The following DNAH11 variants were observed in gnomAD, a reference collection of about 807,000 sequenced individuals.
The protein encoded by DNAH11 is axonemal beta dynein heavy chain 11.
A neutral mutation model predicts 526.0 loss-of-function variants in DNAH11; 442 were observed. The ratio of observed to expected loss-of-function variants is 0.84; its 90% CI spans 0.78 to 0.91. The LOEUF (loss-of-function observed/expected upper bound fraction) is 0.91. Among genes scored for constraint, DNAH11 ranks in the 40% least tolerant of loss-of-function variants. The pLI is 0.00. For synonymous variants in DNAH11, 2,461 were observed against 1,935.9 expected, an observed-to-expected ratio of 1.27 and a Z score of -7.12; for missense variants, 6,989 against 5,448.7, an observed-to-expected ratio of 1.28 and a Z score of -8.90.
chr7:21,666,194 T>C (rs576621497), intron 30 of DNAH11, among the ~76,000 whole-genome samples: 1 of 152,102 alleles, frequency 6.6e-6, no homozygotes, highest in Non-Finnish European at 1.5e-5. Context: ...GGATCTATGG[T>C]GATTGCATAT....
intron 74 of DNAH11, among the ~76,000 whole-genome samples, chr7:21,874,354 A>C (rs546205540): frequency 6.7e-6 from 1 of 149,284 alleles, no homozygotes; most frequent in Non-Finnish European, 1.5e-5. Context: ...GGTTTTTTTG[A>C]GACAGAGTTT....
intron 46 of DNAH11, among the ~76,000 whole-genome samples, chr7:21,736,152 A>G (rs914825037): frequency 1.6e-4 from 24 of 152,350 alleles, no homozygotes; most frequent in African/African-American, 5.5e-4. Context: ...TCTTACCAAT[A>G]TAAGGGTATA....
intron 66 of DNAH11, among the ~76,000 whole-genome samples, chr7:21,844,952 C>T (rs1782358171): frequency 1.3e-5 from 2 of 152,180 alleles, no homozygotes; most frequent in Non-Finnish European, 2.9e-5. Flanking sequence ...GTGAGTCATC[C>T]ACCAAGTCAG....
In DNAH11 at chr7:21,814,012, C is replaced by T. The variant is rs867548502; in HGVS notation, c.10333-2455C>T. 1.2e-4 allele frequency among the ~76,000 whole-genome samples: 18 copies of T among 152,354 alleles called. No individual in the cohort carries two copies. The South Asian group carries it at 1.9e-3, about 16-fold the overall frequency. ...GACCTAGATGAGACAGCCTATTACA[C>T]ACCTAGGCTACATGGCATAGCCTAT... On this transcript the variant is annotated intron_variant, in intron 63 of 81. Transcript: ENST00000409508.
intron 65 of DNAH11, among the ~76,000 whole-genome samples, chr7:21,818,648 A>G (rs1789920909): frequency 6.6e-6 from 1 of 152,198 alleles, no homozygotes; most frequent in African/African-American, 2.4e-5. Flanking sequence ...AGTAATTTGC[A>G]GAACACCTTG....
At chr7:21,743,601 T>A (rs1786014190) in intron 49 of DNAH11, among the ~76,000 whole-genome samples, 1 of 152,210 alleles carries the variant, frequency 6.6e-6, no homozygotes, top group African/African-American at 2.4e-5. Flanking sequence ...CTCAAAACCA[T>A]AACACAGCAT....
At position 21,852,703 on chromosome 7, in the gene DNAH11, G is replaced by A. The variant is rs28672970; in HGVS notation, c.11061+72G>A. The A allele has an allele frequency of 0.12, 173,938 of 1,460,268 alleles. 15,191 individuals carry two copies. Among genetic ancestry groups the A allele is most frequent in the African/African-American group, 0.39 (27,707 of 70,284 alleles). The allele number at this position is 1,460,268 out of a possible 1,614,324, so 90.5% of individuals were successfully genotyped here. A position where few individuals can be genotyped will look rare whatever the true frequency, so the allele number is the denominator to read the frequency against. On this transcript the variant is annotated intron_variant, in intron 67 of 81. Coordinates refer to ENST00000409508, the MANE Select transcript of DNAH11 (RefSeq NM_001277115.2). ...ATGAGACATGTGGGGTGGGCAGTGTGATCAGACTTGGTAATTCCTCTAAGA... is the reference window on the plus strand; with the variant it reads ...ATGAGACATGTGGGGTGGGCAGTGTAATCAGACTTGGTAATTCCTCTAAGA...
chr7:21,593,290 G>A (rs574627523), intron 14 of DNAH11, among the ~76,000 whole-genome samples: 20 of 152,264 alleles, frequency 1.3e-4, no homozygotes, highest in African/African-American at 4.3e-4. Flanking sequence ...CTGGCAGCAC[G>A]GAAGTCATTG....
At chr7:21,778,866 A>C in intron 56 of DNAH11, 92 bp from the exon 57 acceptor site, 181 of 1,386,320 alleles carry the variant, frequency 1.3e-4, no homozygotes, top group Non-Finnish European at 1.6e-4. Flanking sequence ...ACAAATTGTT[A>C]GAGATCCCTG....
At chr7:21,760,524 C>T (rs920862974) in intron 54 of DNAH11, among the ~76,000 whole-genome samples, 1 of 152,174 alleles carries the variant, frequency 6.6e-6, no homozygotes, top group African/African-American at 2.4e-5. Context: ...TCCCAAGGGC[C>T]ACTGCCCCAA....
chr7:21,786,858 G>T, intron 59 of DNAH11, 91 bp downstream of exon 59: 1 of 1,510,570 alleles, frequency 6.6e-7, no homozygotes, highest in Non-Finnish European at 9.0e-7. Context: ...AGATGTTTAA[G>T]TCAGAAGAAA....
At chr7:21,732,458 TG>T (rs1318387995) in intron 45 of DNAH11, among the ~76,000 whole-genome samples, 2 of 152,104 alleles carry the variant, frequency 1.3e-5, no homozygotes, top group Non-Finnish European at 2.9e-5. Flanking sequence ...ACATGAATGT[TG>T]GGGGGACACA....
At chr7:21,760,379 T>G (rs1786846772) in intron 54 of DNAH11, among the ~76,000 whole-genome samples, 1 of 152,150 alleles carries the variant, frequency 6.6e-6, no homozygotes, top group Non-Finnish European at 1.5e-5. Context: ...GGGACCCGAC[T>G]TGCCCATCCT....
At chr7:21,827,971 C>CA (rs1346461456) in intron 65 of DNAH11, among the ~76,000 whole-genome samples, 1 of 150,622 alleles carries the variant, frequency 6.6e-6, no homozygotes, top group African/African-American at 2.4e-5. Context: ...CTTTTTGAGA[C>CA]AGAGTCTTGC....
intron 74 of DNAH11, among the ~76,000 whole-genome samples, chr7:21,874,652 T>C (rs989404401): frequency 2.0e-5 from 3 of 152,092 alleles, no homozygotes; most frequent in African/African-American, 7.2e-5. Flanking sequence ...CAAATACATA[T>C]ATAAATTAAT....
intron 62 of DNAH11, among the ~76,000 whole-genome samples, chr7:21,807,397 G>A (rs572483718): frequency 6.6e-6 from 1 of 152,204 alleles, no homozygotes; most frequent in Non-Finnish European, 1.5e-5. Flanking sequence ...TACTTGAGAG[G>A]CTGAAGTGAG....
At chr7:21,892,304 C>G (rs1459387007) in intron 76 of DNAH11, 121 bp from the exon 77 acceptor site, 3 of 1,386,336 alleles carry the variant, frequency 2.2e-6, no homozygotes, top group Middle Eastern at 2.6e-4. Flanking sequence ...GTTTAGGGAG[C>G]CTGCTACCCA....
chr7:21,572,966 G>C (rs781142798), intron 8 of DNAH11, among the ~76,000 whole-genome samples: 4 of 152,204 alleles, frequency 2.6e-5, no homozygotes, highest in Non-Finnish European at 4.4e-5. Context: ...TACAGAATGG[G>C]ATTCTTAAGA....
At chr7:21,564,952 C>A (rs1398798874) in intron 6 of DNAH11, among the ~76,000 whole-genome samples, 2 of 152,006 alleles carry the variant, frequency 1.3e-5, no homozygotes, top group African/African-American at 4.8e-5. Context: ...CTCATCCTGT[C>A]TGTGTGAATG....
Sources: allele counts gnomAD v4.1 joint callset (sites outside exome capture counted in the v4.1 genomes callset), GRCh38; gene constraint gnomAD v4.1.1; transcripts MANE v1.5; gene names NCBI Gene and HGNC (gene_info 2026-07-23, HGNC 2026-07-21).